The following TPGS2 variants were observed in gnomAD, a reference collection of about 807,000 sequenced individuals.
TPGS2 encodes the protein polyglutamylase subunit 2.
TPGS2 carries 26 observed loss-of-function variants against 31.1 expected under a neutral mutation model. That is an observed-to-expected ratio of 0.84 (90% CI 0.61 to 1.16). The LOEUF is 1.16. Among genes scored for constraint, TPGS2 ranks in the 50% most tolerant of loss-of-function variants. The probability of loss-of-function intolerance (pLI) is 0.00; values close to 1 mark genes in which losing one functional copy is unlikely to be tolerated. For missense variants in TPGS2, 351 were observed against 363.8 expected, an observed-to-expected ratio of 0.96 and a Z score of 0.29; for synonymous variants, 130 against 136.6, an observed-to-expected ratio of 0.95 and a Z score of 0.34.
chr18:36,798,614 A>G lies in TPGS2; in HGVS notation c.497-5T>C. 6.2e-7 allele frequency: 1 copy of G among 1,611,736 alleles called. No homozygotes were observed. Among genetic ancestry groups the G allele is most frequent in the Non-Finnish European group, 8.5e-7 (1 of 1,178,164 alleles). ...TCTCAGTGTCTTCTGCTAATGCTGA[A>G]GTAGAAGACAAAGGAAGTAAAAGAT... On this transcript the variant is annotated splice_polypyrimidine_tract_variant and splice_region_variant and intron_variant, in intron 5 of 6. Transcript: ENST00000334295.
In TPGS2 at chr18:36,796,562, T is replaced by C. The variant is rs531605189; in HGVS notation, c.*243A>G. On this transcript the variant is annotated 3_prime_UTR_variant, in exon 7 of 7. Coordinates refer to ENST00000334295, the MANE Select transcript of TPGS2 (RefSeq NM_015476.4). ...AAGAAGAGGAAAGCACTCAGACTTA[T>C]TTGGGCACTTACACAAGATTCCAAA... 73 of 1,307,374 alleles carry C rather than the reference T, an allele frequency of 5.6e-5. No individual in the cohort carries two copies. In the East Asian group the frequency reaches 2.3e-3, roughly 41 times the overall value. The allele number at this position is 1,307,374 out of a possible 1,614,324, so 81.0% of individuals were successfully genotyped here. A position where few individuals can be genotyped will look rare whatever the true frequency, so the allele number is the denominator to read the frequency against.
At chr18:36,819,862 G>C (rs1367159541) in intron 1 of TPGS2, among the ~76,000 whole-genome samples, 2 of 152,200 alleles carry the variant, frequency 1.3e-5, no homozygotes, top group African/African-American at 4.8e-5. Context: ...CTGAAGTAGA[G>C]TAGATCCCTA....
chr18:36,800,685 CTT>C (rs2044763139), intron 4 of TPGS2, among the ~76,000 whole-genome samples: 1 of 148,000 alleles, frequency 6.8e-6, no homozygotes, highest in Non-Finnish European at 1.5e-5. Context: ...TTATCTGAAT[CTT>C]TCTTTCTTTT....
chr18:36,805,028 G>A (rs2045043659), intron 4 of TPGS2, among the ~76,000 whole-genome samples: 2 of 152,136 alleles, frequency 1.3e-5, no homozygotes, highest in African/African-American at 4.8e-5. Flanking sequence ...TTCTTGTTAT[G>A]AGAAAAATAA....
Position 36,795,314 on chromosome 18 carries a change from A to G in TPGS2, c.*1491T>C. ...AGCAGGTAGACAGTGCAAAGGAAGG[A>G]AGTCTGGCCAATCACCGGGGTAGAG... On this transcript the variant is annotated 3_prime_UTR_variant, in exon 7 of 7. Coordinates refer to ENST00000334295, the MANE Select transcript of TPGS2 (RefSeq NM_015476.4). 1.0e-6 allele frequency: 1 copy of G among 985,592 alleles called. No homozygotes were observed. The highest frequency in any genetic ancestry group is 1.2e-6 in the Non-Finnish European group (1 of 830,068). 61.1% of individuals were successfully genotyped at this position (985,592 alleles called of 1,614,324 possible).
intron 6 of TPGS2, among the ~76,000 whole-genome samples, chr18:36,784,783 T>C (rs1159520624): frequency 6.6e-6 from 1 of 152,232 alleles, no homozygotes; most frequent in African/African-American, 2.4e-5. Context: ...TAAGACGTGA[T>C]ATATACTGGC....
chr18:36,784,796 G>T (rs920207782), intron 6 of TPGS2, among the ~76,000 whole-genome samples: 1 of 152,144 alleles, frequency 6.6e-6, no homozygotes, highest in African/African-American at 2.4e-5. Context: ...ATACTGGCTT[G>T]TCTCACTAGT....
chr18:36,796,688 G>A lies in TPGS2; in HGVS notation c.*117C>T. ...TGGGACTAAAAGCCTTACAATTTTGGTCATTCAACTAGAAAGAGGCCTACG... is the reference window on the plus strand; with the variant it reads ...TGGGACTAAAAGCCTTACAATTTTGATCATTCAACTAGAAAGAGGCCTACG... On this transcript the variant is annotated 3_prime_UTR_variant, in exon 7 of 7. Coordinates refer to ENST00000334295, the MANE Select transcript of TPGS2 (RefSeq NM_015476.4). 2 of 1,462,952 alleles carry A rather than the reference G, an allele frequency of 1.4e-6. No individual in the cohort carries two copies. The highest frequency in any genetic ancestry group is 1.8e-6 in the Non-Finnish European group (2 of 1,113,624). 90.6% of individuals were successfully genotyped at this position (1,462,952 alleles called of 1,614,324 possible). A position where few individuals can be genotyped will look rare whatever the true frequency, so the allele number is the denominator to read the frequency against.
Position 36,800,297 on chromosome 18 carries a change from G to T in TPGS2, c.397C>A (p.Pro133Thr), listed in dbSNP as rs191988305. The change falls in exon 5 of 7, where the codon CCA (proline) becomes ACA (threonine). Residue 133 changes from proline (P) to threonine (T), a missense_variant. Pro to Thr is a conservative substitution (Grantham distance 38). Transcript: ENST00000334295. ...DDTHEASDDQ[P>T]EKPHFDSRSV... ...CGAGAGTCAAAGTGAGGCTTCTCTG[G>T]CTGATCATCACTGGCTGCAAACCCA... 2.4e-5 allele frequency: 38 copies of T among 1,614,102 alleles called. No individual in the cohort carries two copies. The East Asian group carries it at 8.2e-4, about 35-fold the overall frequency.
chr18:36,819,625 G>C (rs1260914524), intron 1 of TPGS2, among the ~76,000 whole-genome samples: 1 of 152,170 alleles, frequency 6.6e-6, no homozygotes, highest in Non-Finnish European at 1.5e-5. Flanking sequence ...ATACTACAGA[G>C]TTCAATACCT....
intron 3 of TPGS2, among the ~76,000 whole-genome samples, chr18:36,807,285 T>A (rs77239453): frequency 0.013 from 1,966 of 152,258 alleles, 41 homozygotes; most frequent in African/African-American, 0.045. Flanking sequence ...ACTTGTGAGT[T>A]CCCACATCCA....
At chr18:36,805,890 GT>G (rs1381610493) in intron 3 of TPGS2, 1 of 155,322 alleles carries the variant, frequency 6.4e-6, no homozygotes, top group Non-Finnish European at 1.4e-5. Flanking sequence ...TTCTGAAGGA[GT>G]AATAGCTTTG....
chr18:36,794,358 A>G lies in TPGS2; in HGVS notation c.*2447T>C. On this transcript the variant is annotated 3_prime_UTR_variant, in exon 7 of 7. Coordinates refer to ENST00000334295, the MANE Select transcript of TPGS2 (RefSeq NM_015476.4). ...TGAGGCAGGTCTTGAGCCTTTCCTTATCATAACCCCCTTCCTTTGATAGCC... is the reference window on the plus strand; with the variant it reads ...TGAGGCAGGTCTTGAGCCTTTCCTTGTCATAACCCCCTTCCTTTGATAGCC... The G allele has an allele frequency of 8.1e-6, 8 of 985,380 alleles. No homozygotes were observed. The highest frequency in any genetic ancestry group is 9.6e-6 in the Non-Finnish European group (8 of 829,952). The allele number at this position is 985,380 out of a possible 1,614,324, so 61.0% of individuals were successfully genotyped here. A position where few individuals can be genotyped will look rare whatever the true frequency, so the allele number is the denominator to read the frequency against.
chr18:36,787,758 A>T (rs1309161366), intron 6 of TPGS2, among the ~76,000 whole-genome samples: 1 of 152,232 alleles, frequency 6.6e-6, no homozygotes, highest in African/African-American at 2.4e-5. Context: ...GGCTTAGATG[A>T]TTAGGCATGC....
At chr18:36,809,428 T>C (rs58683356) in intron 2 of TPGS2, among the ~76,000 whole-genome samples, 19,893 of 152,266 alleles carry the variant, frequency 0.13, 1,655 homozygotes, top group East Asian at 0.21. Context: ...CTTTTATTTA[T>C]GAACTAAAAT....
In TPGS2 at chr18:36,785,221, C is replaced by T. The variant is rs188437263; in HGVS notation, c.658-2090G>A. On this transcript the variant is annotated intron_variant, in intron 6 of 6. Transcript: ENST00000587129. ...GGCTGAGACAGGAGAATCACTTGAA[C>T]CAGGGAGGCAGAGGTTGCAGTGAGC... Among the ~76,000 whole-genome samples the T allele has an allele frequency of 9.9e-5, 15 of 152,246 alleles. No homozygotes were observed. The East Asian group carries it at 2.9e-3, about 29-fold the overall frequency.
chr18:36,782,014 G>A (rs1483959670), downstream of TPGS2: 1 of 894,540 alleles, frequency 1.1e-6, no homozygotes, highest in Non-Finnish European at 1.3e-6. Context: ...TTAATAGTTT[G>A]TGAGAGTGTT....
At chr18:36,817,433 C>CA (rs1556783434) in intron 2 of TPGS2, among the ~76,000 whole-genome samples, 1 of 141,110 alleles carries the variant, frequency 7.1e-6, no homozygotes, top group Admixed American at 7.1e-5. Context: ...TTCTTTCTTT[C>CA]TTTTTTTTTT....
intron 5 of TPGS2, among the ~76,000 whole-genome samples, 183 bp downstream of exon 5, chr18:36,800,012 CTAA>C (rs1397013378): frequency 1.3e-5 from 2 of 152,116 alleles, no homozygotes; most frequent in African/African-American, 4.8e-5. Context: ...GATAAAAGGA[CTAA>C]TAATTAGCCC....
Sources: gnomAD v4.1 joint callset for allele counts (sites outside exome capture counted in the v4.1 genomes callset) on GRCh38, gnomAD v4.1.1 for gene constraint, MANE v1.5 for transcripts, NCBI Gene and HGNC (gene_info 2026-07-23, HGNC 2026-07-21) for gene names.